CDS2: variants seen among roughly 807,000 people sequenced by gnomAD.
CDS2 encodes the protein phosphatidate cytidylyltransferase 2.
In CDS2, 47 loss-of-function variants were observed where a neutral mutation model predicts 59.0. That is an observed-to-expected ratio of 0.80 (90% CI 0.63 to 1.02). The LOEUF is 1.02. Among genes scored for constraint, CDS2 ranks in the 50% least tolerant of loss-of-function variants. The pLI is 0.00. For synonymous variants in CDS2, 207 were observed against 206.4 expected, an observed-to-expected ratio of 1.00 and a Z score of -0.02; for missense variants, 356 against 558.9, an observed-to-expected ratio of 0.64 and a Z score of 3.66.
At chr20:5,162,512 A>G (rs2095893706) in intron 1 of CDS2, among the ~76,000 whole-genome samples, 4 of 152,186 alleles carry the variant, frequency 2.6e-5, no homozygotes, top group Admixed American at 2.6e-4. Context: ...GACAATGTCA[A>G]AAGTGTTCTG....
intron 1 of CDS2, 128 bp from the exon 2 acceptor site, chr20:5,173,395 C>A: frequency 1.9e-6 from 2 of 1,029,348 alleles, no homozygotes; most frequent in East Asian, 2.4e-5. Flanking sequence ...GTCCCATCAC[C>A]TGACTGTGCC....
At position 5,191,832 on chromosome 20, in the gene CDS2, C is replaced by T. The variant is rs2123075889; in HGVS notation, c.*1598C>T. ...GCTTCTCTTATTCAGGTCCAAGGCC[C>T]CTTAAAAACAAAACATATTATCGCA... On this transcript the variant is annotated 3_prime_UTR_variant, in exon 13 of 13. Transcript: ENST00000460006. The T allele has an allele frequency of 6.6e-6, 1 of 152,250 alleles. No homozygotes were observed. The highest frequency in any genetic ancestry group is 2.1e-4 in the South Asian group (1 of 4,818). The allele number at this position is 152,250 out of a possible 1,614,324, so 9.4% of individuals were successfully genotyped here.
chr20:5,176,398 A>G (rs1300845880), intron 3 of CDS2: 3 of 423,516 alleles, frequency 7.1e-6, no homozygotes, highest in Non-Finnish European at 1.3e-5. Context: ...CTTAAAAAAA[A>G]AAAAGTTAAT....
intron 1 of CDS2, among the ~76,000 whole-genome samples, chr20:5,173,100 G>T (rs986911558): frequency 1.3e-5 from 2 of 152,230 alleles, no homozygotes; most frequent in Non-Finnish European, 2.9e-5. Context: ...GACATTAACA[G>T]GTCTACAGGG....
chr20:5,186,447 C>T (rs535466262), intron 9 of CDS2, among the ~76,000 whole-genome samples: 27 of 151,874 alleles, frequency 1.8e-4, no homozygotes, highest in African/African-American at 5.6e-4. Context: ...CAGGTTTTCC[C>T]GGATTCTTTC....
At position 5,194,711 on chromosome 20, in the gene CDS2, C is replaced by T. The variant is rs1308401010; in HGVS notation, c.*4477C>T. 1 of 152,042 alleles carries T rather than the reference C, an allele frequency of 6.6e-6. No individual in the cohort carries two copies. The highest frequency in any genetic ancestry group is 2.4e-5 in the African/African-American group (1 of 41,400). 9.4% of individuals were successfully genotyped at this position (152,042 alleles called of 1,614,324 possible). ...TTTGTGAAGTCTAGGGTTTTTTGTC[C>T]AGTGGGTTTCAAATTTGTTGGCTGT... On this transcript the variant is annotated 3_prime_UTR_variant, in exon 13 of 13. Coordinates refer to ENST00000460006, the MANE Select transcript of CDS2 (RefSeq NM_003818.4).
chr20:5,192,581 A>G lies in CDS2; in HGVS notation c.*2347A>G, dbSNP rs1168084981. The G allele has an allele frequency of 6.6e-6, 1 of 152,184 alleles. No individual in the cohort carries two copies. Among genetic ancestry groups the G allele is most frequent in the Non-Finnish European group, 1.5e-5 (1 of 68,030 alleles). 9.4% of individuals were successfully genotyped at this position (152,184 alleles called of 1,614,324 possible). On this transcript the variant is annotated 3_prime_UTR_variant, in exon 13 of 13. Transcript: ENST00000460006. ...TTCAAGAAACCATTTTTACGTGTGT[A>G]CATTCAAATCTTCATGAATGGCATC...
At chr20:5,177,765 T>C (rs1484303359) in intron 4 of CDS2, among the ~76,000 whole-genome samples, 1 of 152,202 alleles carries the variant, frequency 6.6e-6, no homozygotes, top group Non-Finnish European at 1.5e-5. Context: ...CTGAGGTGTT[T>C]CCTGTCACCC....
chr20:5,183,543 A>G (rs1236985399), intron 7 of CDS2, among the ~76,000 whole-genome samples: 1 of 152,252 alleles, frequency 6.6e-6, no homozygotes, highest in Non-Finnish European at 1.5e-5. Context: ...ACGTGAATAG[A>G]TCAGTAACTG....
chr20:5,176,029 T>G (rs913523429), intron 3 of CDS2: 5 of 153,546 alleles, frequency 3.3e-5, no homozygotes, highest in African/African-American at 1.2e-4. Flanking sequence ...CTTTGAATAC[T>G]TGAGACTTTT....
chr20:5,182,363 T>C (rs1231221985), intron 5 of CDS2, 24 bp from the exon 6 acceptor site: 3 of 1,598,154 alleles, frequency 1.9e-6, no homozygotes. Context: ...TTCATTTTTC[T>C]TTTCTCCTCC....
intron 1 of CDS2, among the ~76,000 whole-genome samples, chr20:5,169,903 C>T (rs2090942478): frequency 6.6e-6 from 1 of 152,070 alleles, no homozygotes; most frequent in African/African-American, 2.4e-5. Flanking sequence ...GCACTTGGCC[C>T]CAGCAAGGCC....
At chr20:5,172,081 G>T (rs1292060932) in intron 1 of CDS2, among the ~76,000 whole-genome samples, 2 of 152,150 alleles carry the variant, frequency 1.3e-5, no homozygotes, top group Non-Finnish European at 2.9e-5. Flanking sequence ...CTGAGGGCAG[G>T]GGCTGGGTTT....
intron 1 of CDS2, among the ~76,000 whole-genome samples, chr20:5,171,439 A>C (rs2090955442): frequency 6.6e-6 from 1 of 152,212 alleles, no homozygotes; most frequent in Non-Finnish European, 1.5e-5. Context: ...AGTGGGGTCC[A>C]GGTGCTAGCA....
At chr20:5,187,089 TAG>T in intron 10 of CDS2, 1 of 332,334 alleles carries the variant, frequency 3.0e-6, no homozygotes, top group Non-Finnish European at 5.8e-6. Flanking sequence ...GGGATCCTTT[TAG>T]TTGCGGGGGT....
chr20:5,184,803 C>T lies in CDS2; in HGVS notation c.672-55C>T. 7.7e-7 allele frequency: 1 copy of T among 1,305,280 alleles called. No homozygotes were observed. Among genetic ancestry groups the T allele is most frequent in the Non-Finnish European group, 1.1e-6 (1 of 899,094 alleles). 80.9% of individuals were successfully genotyped at this position (1,305,280 alleles called of 1,614,324 possible). The stretch of plus-strand genomic sequence containing the variant: ...TTTAAGAATGGCACTATTTTGTGTA[C>T]TTTTGAGGTACTGTCACCTTGCTTG... On this transcript the variant is annotated intron_variant, in intron 7 of 12. Transcript: ENST00000460006. The surrounding 1 kb of genome is among the most constrained non-coding windows in gnomAD (Gnocchi z 4.3).
intron 1 of CDS2, among the ~76,000 whole-genome samples, chr20:5,131,059 C>G (rs924050395): frequency 6.8e-6 from 1 of 146,764 alleles, no homozygotes; most frequent in Admixed American, 6.9e-5. Flanking sequence ...CGCCACTGCA[C>G]GCCAGCCTGG....
intron 1 of CDS2, among the ~76,000 whole-genome samples, chr20:5,145,368 G>A (rs1600477588): frequency 6.6e-6 from 1 of 151,696 alleles, no homozygotes; most frequent in East Asian, 1.9e-4. Flanking sequence ...CTAGTTTTGA[G>A]CCTGGAGGAA....
chr20:5,149,582 T>G (rs1382283581), intron 1 of CDS2, among the ~76,000 whole-genome samples: 2 of 152,090 alleles, frequency 1.3e-5, no homozygotes, highest in Admixed American at 6.6e-5. Context: ...TTAGTTTATT[T>G]TTAGAAATGG....
Sources: gnomAD v4.1 joint callset for allele counts (sites outside exome capture counted in the v4.1 genomes callset) on GRCh38, gnomAD v4.1.1 for gene constraint, Gnocchi (gnomAD v3.1) non-coding constraint, MANE v1.5 for transcripts, NCBI Gene and HGNC (gene_info 2026-07-23, HGNC 2026-07-21) for gene names.